The following DOCK8 variants were observed in gnomAD, a reference collection of about 807,000 sequenced individuals.
The protein encoded by DOCK8 is dedicator of cytokinesis 8, also known as dedicator of cytokinesis protein 8.
In DOCK8, 141 loss-of-function variants were observed where a neutral mutation model predicts 245.6. The ratio of observed to expected loss-of-function variants is 0.57; its 90% CI spans 0.50 to 0.66. The LOEUF (loss-of-function observed/expected upper bound fraction) is 0.66, where lower values mean the gene tolerates loss of function less well. Ranked by LOEUF, DOCK8 falls within the 30% of genes least tolerant of loss-of-function variation. DOCK8 has a pLI of 0.00. For missense variants in DOCK8, 2,965 were observed against 2,603.4 expected, an observed-to-expected ratio of 1.14 and a Z score of -3.02; for synonymous variants, 1,168 against 970.2, an observed-to-expected ratio of 1.20 and a Z score of -3.79.
At chr9:431,152 G>A (rs974259705) in intron 36 of DOCK8, among the ~76,000 whole-genome samples, 8 of 152,132 alleles carry the variant, frequency 5.3e-5, no homozygotes, top group African/African-American at 1.9e-4. Context: ...GAGATTATAG[G>A]CATGAGCCAT....
At chr9:438,470 A>G (rs1206801071) in intron 39 of DOCK8, among the ~76,000 whole-genome samples, 3 of 152,314 alleles carry the variant, frequency 2.0e-5, no homozygotes, top group East Asian at 3.9e-4. Flanking sequence ...GAAGAAAATG[A>G]TTCTTGACCT....
At chr9:432,857 C>G (rs1231600349) in intron 37 of DOCK8, among the ~76,000 whole-genome samples, 1 of 152,174 alleles carries the variant, frequency 6.6e-6, no homozygotes, top group Non-Finnish European at 1.5e-5. Context: ...AGCTTGTAAA[C>G]AAGGTTGTCC....
chr9:258,666 C>T (rs534524000), intron 1 of DOCK8, among the ~76,000 whole-genome samples: 24 of 142,240 alleles, frequency 1.7e-4, no homozygotes, highest in Non-Finnish European at 2.4e-4. Context: ...GTCACGATCT[C>T]GGCATACTGC....
intron 18 of DOCK8, among the ~76,000 whole-genome samples, chr9:373,526 T>G (rs2053388470): frequency 6.6e-6 from 1 of 152,232 alleles, no homozygotes; most frequent in African/African-American, 2.4e-5. Flanking sequence ...ATATTGATTG[T>G]TACATCTCTG....
intron 2 of DOCK8, among the ~76,000 whole-genome samples, chr9:284,957 A>G (rs1450503375): frequency 6.6e-6 from 1 of 152,192 alleles, no homozygotes; most frequent in Non-Finnish European, 1.5e-5. Context: ...GAAGGGTGGT[A>G]AGAGGGAGAG....
At chr9:270,930 C>G (rs1220150861) in intron 1 of DOCK8, among the ~76,000 whole-genome samples, 2 of 152,170 alleles carry the variant, frequency 1.3e-5, no homozygotes, top group African/African-American at 4.8e-5. Flanking sequence ...GCTCAGAAGT[C>G]AACCTTTTTG....
In DOCK8 at chr9:351,126, A is replaced by T. The variant is rs2052146774; in HGVS notation, c.1679+10805A>T. Among the ~76,000 whole-genome samples the T allele has an allele frequency of 2.0e-5, 3 of 152,214 alleles. No individual in the cohort carries two copies. The South Asian group carries it at 6.2e-4, about 32-fold the overall frequency. On this transcript the variant is annotated intron_variant, in intron 14 of 47. Coordinates refer to ENST00000432829, the MANE Select transcript of DOCK8 (RefSeq NM_203447.4). ...TCCCTAATTTCTCTGGCTTCCTGATAGGTCCTGGTAGGGTCGGGGTTCCAC... is the reference window on the plus strand; with the variant it reads ...TCCCTAATTTCTCTGGCTTCCTGATTGGTCCTGGTAGGGTCGGGGTTCCAC...
chr9:359,101 G>A (rs951275155), intron 14 of DOCK8, among the ~76,000 whole-genome samples: 1 of 152,224 alleles, frequency 6.6e-6, no homozygotes, highest in African/African-American at 2.4e-5. Context: ...CTATGCTGAT[G>A]CTGATGCTGA....
At chr9:435,110 C>T in intron 39 of DOCK8, 135 bp downstream of exon 39, 1 of 1,000,180 alleles carries the variant, frequency 1.0e-6, no homozygotes, top group Non-Finnish European at 1.5e-6. Flanking sequence ...GTAGGTGCTA[C>T]TGGCATCTGA....
intron 1 of DOCK8, among the ~76,000 whole-genome samples, chr9:260,748 G>A (rs948708772): frequency 1.3e-5 from 2 of 152,160 alleles, no homozygotes; most frequent in African/African-American, 4.8e-5. Flanking sequence ...AAAAAAGAAT[G>A]AGGGAATTAT....
intron 28 of DOCK8, among the ~76,000 whole-genome samples, chr9:411,868 TTTAA>T (rs781025597): frequency 5.8e-4 from 88 of 152,176 alleles, no homozygotes; most frequent in Non-Finnish European, 1.0e-3. Flanking sequence ...AAGAAAAGCA[TTTAA>T]TAAAATCTAA....
chr9:255,713 G>A (rs4741691), intron 1 of DOCK8, among the ~76,000 whole-genome samples: 64,783 of 144,596 alleles, frequency 0.45, 15,042 homozygotes, highest in East Asian at 0.82. Context: ...TAACTTTACC[G>A]TACATAACTT....
intron 18 of DOCK8, among the ~76,000 whole-genome samples, chr9:375,581 A>G (rs1364756891): frequency 1.3e-5 from 2 of 152,238 alleles, no homozygotes; most frequent in African/African-American, 4.8e-5. Context: ...AATTCCTAGA[A>G]TCCAGAATCA....
Position 335,696 on chromosome 9 carries a change from C to T in DOCK8, c.1286-886C>T, listed in dbSNP as rs115004494. On this transcript the variant is annotated intron_variant, in intron 11 of 47. Coordinates refer to ENST00000432829, the MANE Select transcript of DOCK8 (RefSeq NM_203447.4). ...AATTCAGGATAGGGCATGCTGAGGC[C>T]TCAATCATCTCTAGGTCAAGGATAA... 4.5e-3 allele frequency among the ~76,000 whole-genome samples: 684 copies of T among 152,116 alleles called. 4 individuals carry two copies. The highest frequency in any genetic ancestry group is 0.016 in the African/African-American group (657 of 41,494).
intron 1 of DOCK8, among the ~76,000 whole-genome samples, chr9:233,477 G>C (rs1451302071): frequency 6.6e-6 from 1 of 152,084 alleles, no homozygotes; most frequent in East Asian, 1.9e-4. Context: ...TCACTGATCT[G>C]TCTAATGTTG....
At chr9:376,370 C>A in intron 19 of DOCK8, 65 bp downstream of exon 19, 2 of 1,112,034 alleles carry the variant, frequency 1.8e-6, no homozygotes, top group Non-Finnish European at 2.8e-6. Context: ...AAGGACAGGC[C>A]AATAAAAGAT....
chr9:227,740 G>A (rs1464271028), intron 1 of DOCK8, among the ~76,000 whole-genome samples: 1 of 152,160 alleles, frequency 6.6e-6, no homozygotes, highest in African/African-American at 2.4e-5. Flanking sequence ...TCATCTGTGA[G>A]GTGGAGATTG....
chr9:290,495 T>C (rs1257965375), intron 4 of DOCK8, among the ~76,000 whole-genome samples: 1 of 152,234 alleles, frequency 6.6e-6, no homozygotes, highest in East Asian at 1.9e-4. Context: ...TTCGAGTTTA[T>C]GACCAAGAAA....
In DOCK8 at chr9:414,889, C is replaced by T; in HGVS notation, c.3638C>T (p.Ala1213Val). 1 of 1,614,210 alleles carries T rather than the reference C, an allele frequency of 6.2e-7. No individual in the cohort carries two copies. ...VKPEVKVKIA[A>V]LYLPLVGIIL... ...CCAGAGGTGAAGGTCAAAATCGCCGCCCTTTACCTACCTTTAGTTGGCATC... is the reference window on the plus strand; with the variant it reads ...CCAGAGGTGAAGGTCAAAATCGCCGTCCTTTACCTACCTTTAGTTGGCATC... Residue 1213 changes from alanine to valine, a missense_variant, in exon 29 of 48, where the codon GCC (alanine) becomes GTC (valine). Transcript: ENST00000432829.
Sources: gnomAD v4.1 joint callset for allele counts (sites outside exome capture counted in the v4.1 genomes callset) on GRCh38, gnomAD v4.1.1 for gene constraint, MANE v1.5 for transcripts, NCBI Gene and HGNC (gene_info 2026-07-23, HGNC 2026-07-21) for gene names.